ASIC2: variants seen among roughly 807,000 people sequenced by gnomAD.
ASIC2 encodes the protein acid sensing ion channel subunit 2, also known as acid-sensing ion channel 2.
Under a neutral mutation model 57.3 loss-of-function variants are expected in ASIC2, and 25 were observed. The ratio of observed to expected loss-of-function variants is 0.44; its 90% confidence interval spans 0.32 to 0.61. ASIC2 has a LOEUF of 0.61. Among genes scored for constraint, ASIC2 ranks in the 20% least tolerant of loss-of-function variants. The pLI, the probability that ASIC2 is intolerant of heterozygous loss-of-function variation, is 0.06. For missense variants in ASIC2, 641 were observed against 738.1 expected (o/e 0.87, Z 1.52); for synonymous variants, 319 against 307.5 (o/e 1.04, Z -0.39).
At chr17:33,569,862 G>A (rs1916373440) in intron 1 of ASIC2, among the ~76,000 whole-genome samples, 2 of 152,198 alleles carry the variant, frequency 1.3e-5, no homozygotes, top group South Asian at 2.1e-4. Flanking sequence ...TAGAAGCAAA[G>A]TTGCCTGTCT....
chr17:33,391,347 A>G (rs1909881187), intron 1 of ASIC2, among the ~76,000 whole-genome samples: 1 of 152,196 alleles, frequency 6.6e-6, no homozygotes, highest in Non-Finnish European at 1.5e-5. Context: ...GTCATTTTAT[A>G]GAAATTATTC....
At chr17:34,012,611 G>A (rs1449187470) in intron 1 of ASIC2, among the ~76,000 whole-genome samples, 1 of 152,102 alleles carries the variant, frequency 6.6e-6, no homozygotes, top group Non-Finnish European at 1.5e-5. Flanking sequence ...TCTGGTCTCA[G>A]AGTGCCCTGT....
intron 2 of ASIC2, among the ~76,000 whole-genome samples, chr17:33,111,640 T>C (rs2092258474): frequency 6.6e-6 from 1 of 152,170 alleles, no homozygotes; most frequent in Non-Finnish European, 1.5e-5. Context: ...CAACCACACC[T>C]GTTACTTCAA....
At chr17:33,563,723 G>A (rs568108806) in intron 1 of ASIC2, among the ~76,000 whole-genome samples, 9 of 152,144 alleles carry the variant, frequency 5.9e-5, no homozygotes, top group Non-Finnish European at 1.2e-4. Flanking sequence ...TGATCTCAGA[G>A]ACCATCTAGT....
intron 1 of ASIC2, among the ~76,000 whole-genome samples, chr17:33,123,009 T>C (rs990396827): frequency 1.5e-4 from 23 of 152,132 alleles, no homozygotes; most frequent in African/African-American, 4.6e-4. Context: ...GGTGAAGACG[T>C]AGAGAAAAGG....
chr17:33,381,648 A>G (rs1909493187), intron 1 of ASIC2, among the ~76,000 whole-genome samples: 1 of 152,178 alleles, frequency 6.6e-6, no homozygotes, highest in Non-Finnish European at 1.5e-5. Flanking sequence ...TTTGGAGGAG[A>G]AAATGAGAAA....
intron 1 of ASIC2, among the ~76,000 whole-genome samples, chr17:33,177,780 TTC>T (rs1905818154): frequency 6.6e-6 from 1 of 152,184 alleles, no homozygotes; most frequent in Non-Finnish European, 1.5e-5. Flanking sequence ...CCTAGAATCA[TTC>T]TCTTACTTGC....
chr17:33,713,574 A>T (rs1237036811), intron 1 of ASIC2, among the ~76,000 whole-genome samples: 1 of 152,192 alleles, frequency 6.6e-6, no homozygotes, highest in Non-Finnish European at 1.5e-5. Context: ...ATCATATTGA[A>T]TTCAGGACCC....
chr17:33,258,744 A>C (rs923917835), intron 1 of ASIC2, among the ~76,000 whole-genome samples: 2 of 152,230 alleles, frequency 1.3e-5, no homozygotes, highest in Non-Finnish European at 2.9e-5. Context: ...TTGTAGAAGA[A>C]GAAACTAAAG....
At chr17:33,554,788 G>A (rs184081532) in intron 1 of ASIC2, among the ~76,000 whole-genome samples, 13 of 152,192 alleles carry the variant, frequency 8.5e-5, no homozygotes, top group African/African-American at 2.9e-4. Flanking sequence ...GACTGAGCTG[G>A]GGGAAGTAAG....
chr17:33,578,981 G>T (rs970958984), intron 1 of ASIC2, among the ~76,000 whole-genome samples: 1 of 152,112 alleles, frequency 6.6e-6, no homozygotes, highest in East Asian at 1.9e-4. Context: ...CACCTTGGAA[G>T]CGGTTATAGA....
Position 33,887,888 on chromosome 17 carries a change from T to C in ASIC2, c.555+268090A>G, listed in dbSNP as rs547266522. Among the ~76,000 whole-genome samples, 33 of 152,290 alleles carry C rather than the reference T, an allele frequency of 2.2e-4. No individual in the cohort carries two copies. The South Asian group carries it at 6.6e-3, about 31-fold the overall frequency. On this transcript the variant is annotated intron_variant, in intron 1 of 9. Coordinates refer to the ASIC2 transcript ENST00000359872. The stretch of plus-strand genomic sequence containing the variant: ...AATTGCCATGGTTCTACTTAATATT[T>C]TGACTTTAGGATGGGTTTATATGGA...
intron 1 of ASIC2, among the ~76,000 whole-genome samples, chr17:33,771,140 G>T (rs1357136974): frequency 6.6e-6 from 1 of 152,050 alleles, no homozygotes; most frequent in Non-Finnish European, 1.5e-5. Flanking sequence ...GCAATTGTGG[G>T]GTACAAGTAT....
chr17:34,001,311 T>C (rs1186939274), intron 1 of ASIC2: 1 of 152,462 alleles, frequency 6.6e-6, no homozygotes, highest in East Asian at 1.9e-4. Context: ...GCTGCTGGAG[T>C]CCTCATGTGG....
chr17:33,670,510 G>A (rs1430704024), intron 1 of ASIC2, among the ~76,000 whole-genome samples: 1 of 152,212 alleles, frequency 6.6e-6, no homozygotes, highest in Non-Finnish European at 1.5e-5. Flanking sequence ...TCTCAACGGT[G>A]ACGAAGGCTT....
At chr17:33,667,746 C>G (rs1163442778) in intron 1 of ASIC2, among the ~76,000 whole-genome samples, 1 of 152,242 alleles carries the variant, frequency 6.6e-6, no homozygotes, top group Non-Finnish European at 1.5e-5. Flanking sequence ...TCTTCTTACT[C>G]AGCTGAAAGC....
At chr17:33,608,673 C>T (rs1226444366) in intron 1 of ASIC2, among the ~76,000 whole-genome samples, 1 of 152,120 alleles carries the variant, frequency 6.6e-6, no homozygotes, top group Non-Finnish European at 1.5e-5. Context: ...ACACAGGTCT[C>T]CTTTGCTCTA....
At chr17:33,249,677 C>T (rs551266922) in intron 1 of ASIC2, among the ~76,000 whole-genome samples, 3 of 152,314 alleles carry the variant, frequency 2.0e-5, no homozygotes, top group East Asian at 3.9e-4. Context: ...AACTATCCTT[C>T]CCTCTGGGCA....
chr17:33,544,006 C>T (rs1447549557), intron 1 of ASIC2, among the ~76,000 whole-genome samples: 1 of 152,164 alleles, frequency 6.6e-6, no homozygotes, highest in African/African-American at 2.4e-5. Context: ...CCAGGAATTC[C>T]CTTTTGGCCC....
Sources: allele counts gnomAD v4.1 joint callset (sites outside exome capture counted in the v4.1 genomes callset), GRCh38; gene constraint gnomAD v4.1.1; transcripts MANE v1.5; gene names NCBI Gene and HGNC (gene_info 2026-07-23, HGNC 2026-07-21).